The following CLDN14 variants were observed in gnomAD, a reference collection of about 807,000 sequenced individuals.
CLDN14 encodes the protein claudin-14.
In CLDN14, 2 loss-of-function variants were observed where a neutral mutation model predicts 2.1. That is an observed-to-expected ratio of 0.96 (90% CI 0.39 to 3.01). CLDN14 has a LOEUF of 3.01. Ranked by LOEUF, CLDN14 falls within the 30% of genes most tolerant of loss-of-function variation. The pLI is 0.09. For synonymous variants in CLDN14, 136 were observed against 154.4 expected, an observed-to-expected ratio of 0.88 and a Z score of 0.88; for missense variants, 298 against 328.0, an observed-to-expected ratio of 0.91 and a Z score of 0.71.
intron 1 of CLDN14, among the ~76,000 whole-genome samples, chr21:36,514,028 A>G (rs1271069754): frequency 2.6e-5 from 4 of 151,756 alleles, no homozygotes; most frequent in Non-Finnish European, 4.4e-5. Flanking sequence ...TTATTGATTT[A>G]TATTTTTTTG....
chr21:36,540,667 G>A (rs1182863935), intron 1 of CLDN14, among the ~76,000 whole-genome samples: 1 of 152,140 alleles, frequency 6.6e-6, no homozygotes, highest in Non-Finnish European at 1.5e-5. Flanking sequence ...AGGGACTGGG[G>A]GGCAGGGCTC....
chr21:36,543,628 A>T (rs892111145), intron 1 of CLDN14, among the ~76,000 whole-genome samples: 9 of 152,192 alleles, frequency 5.9e-5, no homozygotes, highest in African/African-American at 1.9e-4. Context: ...ACCTAATGAC[A>T]TGGATCTCTA....
At chr21:36,565,134 A>T (rs992095711) in intron 1 of CLDN14, among the ~76,000 whole-genome samples, 3 of 152,222 alleles carry the variant, frequency 2.0e-5, no homozygotes, top group Non-Finnish European at 2.9e-5. Flanking sequence ...CCTCTGATTG[A>T]CACAAGTTAC....
chr21:36,468,822 C>T (rs762454895), intron 1 of CLDN14, among the ~76,000 whole-genome samples: 5 of 151,486 alleles, frequency 3.3e-5, no homozygotes, highest in African/African-American at 7.3e-5. Flanking sequence ...TACAGTGGCA[C>T]GATCTTGGCT....
chr21:36,536,447 T>G (rs1049774454), intron 1 of CLDN14, among the ~76,000 whole-genome samples: 2 of 152,246 alleles, frequency 1.3e-5, no homozygotes, highest in African/African-American at 4.8e-5. Context: ...AAGAAGCAGC[T>G]CAATGAAAAT....
intron 1 of CLDN14, chr21:36,532,161 C>A (rs1450125419): frequency 6.6e-6 from 1 of 152,160 alleles, no homozygotes; most frequent in African/African-American, 2.4e-5. Context: ...CTAGCAGGAG[C>A]ACTAGGCTGG....
intron 1 of CLDN14, among the ~76,000 whole-genome samples, chr21:36,556,786 A>C (rs536635618): frequency 6.6e-6 from 1 of 152,012 alleles, no homozygotes; most frequent in Non-Finnish European, 1.5e-5. Context: ...CTCTCTCTCT[A>C]TCTTTTGGTG....
chr21:36,555,269 G>A (rs563136637), intron 1 of CLDN14, among the ~76,000 whole-genome samples: 5 of 147,856 alleles, frequency 3.4e-5, no homozygotes, highest in South Asian at 2.2e-4. Flanking sequence ...GGCTAAAACC[G>A]CCTTGGTTTT....
At chr21:36,472,187 A>G (rs948716993) in intron 1 of CLDN14, among the ~76,000 whole-genome samples, 12 of 152,152 alleles carry the variant, frequency 7.9e-5, no homozygotes, top group Non-Finnish European at 1.2e-4. Context: ...ACCAAACAGG[A>G]GGTTCTTGTG....
At chr21:36,468,658 G>C (rs1240830374) in intron 1 of CLDN14, among the ~76,000 whole-genome samples, 1 of 152,010 alleles carries the variant, frequency 6.6e-6, no homozygotes, top group Non-Finnish European at 1.5e-5. Flanking sequence ...AGACATATTA[G>C]CAAAACTACC....
chr21:36,529,351 C>T (rs1601625380), intron 1 of CLDN14, among the ~76,000 whole-genome samples: 1 of 152,130 alleles, frequency 6.6e-6, no homozygotes, highest in East Asian at 1.9e-4. Flanking sequence ...TGCAGTGGCA[C>T]CATCTTGACT....
chr21:36,555,974 C>T (rs1362181674), intron 1 of CLDN14, among the ~76,000 whole-genome samples: 1 of 152,080 alleles, frequency 6.6e-6, no homozygotes, highest in Non-Finnish European at 1.5e-5. Context: ...TTGATCATTT[C>T]CCATCCCACA....
chr21:36,543,616 C>T (rs1378478376), intron 1 of CLDN14, among the ~76,000 whole-genome samples: 1 of 152,202 alleles, frequency 6.6e-6, no homozygotes, highest in Non-Finnish European at 1.5e-5. Flanking sequence ...ATCGTTGTAA[C>T]TACCTAATGA....
intron 1 of CLDN14, among the ~76,000 whole-genome samples, chr21:36,519,219 T>C (rs2087250759): frequency 6.6e-6 from 1 of 152,222 alleles, no homozygotes; most frequent in Admixed American, 6.5e-5. Flanking sequence ...ATTATTACGC[T>C]CTCATTGTAA....
At position 36,467,190 on chromosome 21, in the gene CLDN14, C is replaced by T. The variant is rs59625180; in HGVS notation, c.-81-5414G>A. Among the ~76,000 whole-genome samples the T allele has an allele frequency of 9.2e-5, 14 of 152,272 alleles. No homozygotes were observed. The East Asian group carries it at 2.7e-3, about 29-fold the overall frequency. On this transcript the variant is annotated intron_variant, in intron 1 of 1. Transcript: ENST00000399135. Reference sequence around the variant, plus strand: ...TTTATGTTGTCTCCCTCTGTTTTCTCTGAGCTATGTTTTTCTTTAAAAAAG... The same window carrying T: ...TTTATGTTGTCTCCCTCTGTTTTCTTTGAGCTATGTTTTTCTTTAAAAAAG...
At chr21:36,490,385 ATTTTTTTT>A (rs71198817) in intron 2 of CLDN14, among the ~76,000 whole-genome samples, 1 of 102,054 alleles carries the variant, frequency 9.8e-6, no homozygotes, top group African/African-American at 4.0e-5. Flanking sequence ...TTTTTTTTTA[ATTTTTTTT>A]TTTTTTTTTT....
chr21:36,473,627 G>C (rs1251068114), intron 1 of CLDN14, among the ~76,000 whole-genome samples: 1 of 152,172 alleles, frequency 6.6e-6, no homozygotes, highest in Non-Finnish European at 1.5e-5. Context: ...GCAGGGTTCA[G>C]GGAGGGACTG....
At chr21:36,543,197 CAGAG>C (rs1295810774) in intron 1 of CLDN14, among the ~76,000 whole-genome samples, 3 of 152,202 alleles carry the variant, frequency 2.0e-5, no homozygotes, top group African/African-American at 7.2e-5. Context: ...AGTGAGGGCT[CAGAG>C]AGCACCCAAC....
chr21:36,536,335 G>T (rs574251981), intron 1 of CLDN14, among the ~76,000 whole-genome samples: 2 of 152,204 alleles, frequency 1.3e-5, no homozygotes, highest in Non-Finnish European at 2.9e-5. Flanking sequence ...TCTCCCTCGT[G>T]TTAGATGCAG....
Sources: gnomAD v4.1 joint callset for allele counts (sites outside exome capture counted in the v4.1 genomes callset) on GRCh38, gnomAD v4.1.1 for gene constraint, MANE v1.5 for transcripts, NCBI Gene and HGNC (gene_info 2026-07-23, HGNC 2026-07-21) for gene names.